The following SNX31 variants were observed in gnomAD, a reference collection of about 807,000 sequenced individuals.
The protein encoded by SNX31 is sorting nexin-31.
In SNX31, 58 loss-of-function variants were observed where a neutral mutation model predicts 65.4. That is an observed-to-expected ratio of 0.89 (90% CI 0.72 to 1.10). SNX31 has a LOEUF of 1.10. SNX31 is among the 50% of genes least tolerant of loss of function. The pLI is 0.00. For synonymous variants in SNX31, 181 were observed against 190.1 expected (o/e 0.95, Z 0.39); for missense variants, 523 against 529.7 (o/e 0.99, Z 0.12).
chr8:100,587,395 C>A (rs1304148681), intron 11 of SNX31, among the ~76,000 whole-genome samples: 1 of 152,140 alleles, frequency 6.6e-6, no homozygotes, highest in African/African-American at 2.4e-5. Flanking sequence ...TAGTAACAGT[C>A]AAAAACCAGA....
In SNX31 at chr8:100,614,110, T is replaced by G. The variant is rs1328987688; in HGVS notation, c.433-1025A>C. 6.6e-6 allele frequency among the ~76,000 whole-genome samples: 1 copy of G among 152,208 alleles called. No individual in the cohort carries two copies. The highest frequency in any genetic ancestry group is 2.4e-5 in the African/African-American group (1 of 41,440). ...TGAGTGGGTGTTCTCAGCATAGCTTTGAAAATAAAGAGCAGCTGAGGAATA... is the reference window on the plus strand; with the variant it reads ...TGAGTGGGTGTTCTCAGCATAGCTTGGAAAATAAAGAGCAGCTGAGGAATA... On this transcript the variant is annotated intron_variant, in intron 5 of 13. Transcript: ENST00000311812. This position sits in a 1 kb window ranked among gnomAD's most constrained non-coding sequence, Gnocchi z 5.1.
At position 100,662,021 on chromosome 8, in the gene SNX31, C is replaced by A. The variant is rs1693546; in HGVS notation, c.-58+1121G>T. Among the ~76,000 whole-genome samples, 8 of 151,904 alleles carry A rather than the reference C, an allele frequency of 5.3e-5. No homozygotes were observed. In the East Asian group the frequency reaches 1.4e-3, roughly 26 times the overall value. On this transcript the variant is annotated intron_variant, in intron 1 of 5. Transcript: ENST00000520352. The stretch of plus-strand genomic sequence containing the variant: ...TGTATTTTTAGTAGAGACAGGGTTT[C>A]GCCATGTTGGCCAGGCTGGTCTTGA...
At chr8:100,600,537 C>T in intron 8 of SNX31, 96 bp from the exon 9 acceptor site, 1 of 900,494 alleles carries the variant, frequency 1.1e-6, no homozygotes, top group Non-Finnish European at 1.7e-6. Flanking sequence ...AAAAACAAAC[C>T]CAAGTGGATA....
rs188992402 is a variant in SNX31, at chr8:100,594,356, C to T, written c.978+2283G>A. Among the ~76,000 whole-genome samples the T allele has an allele frequency of 2.0e-5, 3 of 152,016 alleles. No individual in the cohort carries two copies. The highest frequency in any genetic ancestry group is 1.9e-4 in the East Asian group (1 of 5,174). On this transcript the variant is annotated intron_variant, in intron 10 of 13. Coordinates refer to ENST00000311812, the MANE Select transcript of SNX31 (RefSeq NM_152628.4). This position sits in a 1 kb window ranked among gnomAD's most constrained non-coding sequence, Gnocchi z 4.0. ...CAAACAACAACAACAACAACAAAACCGAAACTATAGAGTAAGAGAAAATAT... is the reference window on the plus strand; with the variant it reads ...CAAACAACAACAACAACAACAAAACTGAAACTATAGAGTAAGAGAAAATAT...
intron 2 of SNX31, among the ~76,000 whole-genome samples, chr8:100,647,649 T>C (rs1819728658): frequency 6.6e-6 from 1 of 152,184 alleles, no homozygotes; most frequent in African/African-American, 2.4e-5. Flanking sequence ...AGGACCCATT[T>C]GCTTATTATT....
At position 100,576,590 on chromosome 8, in the gene SNX31, AT is replaced by A. The variant is rs1305954219; in HGVS notation, c.1227+428del. On this transcript the variant is annotated intron_variant, in intron 13 of 13. Transcript: ENST00000311812. The surrounding 1 kb of genome is among the most constrained non-coding windows in gnomAD (Gnocchi z 4.8). ...GTGCTCAAAAATGTCATTGATTGTGATTTTTTCTATTATTATCTGCACAGCA... is the reference window on the plus strand; with the variant it reads ...GTGCTCAAAAATGTCATTGATTGTGATTTTTCTATTATTATCTGCACAGCA... 6.6e-6 allele frequency among the ~76,000 whole-genome samples: 1 copy of A among 152,176 alleles called. No individual in the cohort carries two copies. The highest frequency in any genetic ancestry group is 2.4e-5 in the African/African-American group (1 of 41,438).
At chr8:100,605,144 C>G (rs1816029085) in intron 8 of SNX31, among the ~76,000 whole-genome samples, 1 of 148,308 alleles carries the variant, frequency 6.7e-6, no homozygotes, top group Admixed American at 6.6e-5. Context: ...GGTGATCCAC[C>G]TGCCTTGGCC....
chr8:100,662,891 A>G (rs1355838326), intron 1 of SNX31, among the ~76,000 whole-genome samples: 1 of 152,208 alleles, frequency 6.6e-6, no homozygotes, highest in Non-Finnish European at 1.5e-5. Flanking sequence ...CTAATTTAAA[A>G]ATACATATTT....
intron 2 of SNX31, among the ~76,000 whole-genome samples, chr8:100,643,957 G>A (rs1819449505): frequency 6.6e-6 from 1 of 152,208 alleles, no homozygotes; most frequent in Non-Finnish European, 1.5e-5. Flanking sequence ...AATCAAGGAG[G>A]ACTTCCTGGA....
At chr8:100,590,491 A>T (rs1449693272) in intron 10 of SNX31, among the ~76,000 whole-genome samples, 1 of 151,978 alleles carries the variant, frequency 6.6e-6, no homozygotes, top group East Asian at 1.9e-4. Flanking sequence ...TAAAACATGA[A>T]TTGGAGGCTG....
chr8:100,635,598 C>T (rs968456987), intron 3 of SNX31, among the ~76,000 whole-genome samples: 1 of 146,578 alleles, frequency 6.8e-6, no homozygotes, highest in Admixed American at 6.8e-5. Context: ...ATACAAAGAA[C>T]ACATATTATA....
chr8:100,657,459 A>G (rs1820069799), intron 1 of SNX31, among the ~76,000 whole-genome samples: 2 of 151,756 alleles, frequency 1.3e-5, no homozygotes, highest in African/African-American at 2.4e-5. Flanking sequence ...ACTCAAAAAA[A>G]AAAAAAGAAA....
At position 100,613,071 on chromosome 8, in the gene SNX31, T is replaced by C; in HGVS notation, c.447A>G (p.Lys149=). The C allele has an allele frequency of 6.2e-7, 1 of 1,613,960 alleles. No homozygotes were observed. ...CCAAGAGCTCTCGACACAGTCCAAT[T>C]TTGTGTGACACCACCTTTAACCAGA... The part of the protein sequence containing the change: ...AERVLEVVSH[K]IGLCRELLGY... Residue 149 remains lysine, a synonymous_variant, in exon 6 of 14, where the codon AAA becomes AAG. Transcript: ENST00000311812. The surrounding 1 kb of genome is among the most constrained non-coding windows in gnomAD (Gnocchi z 5.2).
At chr8:100,639,492 G>A (rs1819007820) in intron 2 of SNX31, among the ~76,000 whole-genome samples, 1 of 152,182 alleles carries the variant, frequency 6.6e-6, no homozygotes. Flanking sequence ...GTAAATGAAT[G>A]GCAGATAGTG....
Position 100,630,502 on chromosome 8 carries a change from C to T in SNX31, c.257-111G>A, listed in dbSNP as rs1818342924. 8.4e-6 allele frequency: 7 copies of T among 828,818 alleles called. No individual in the cohort carries two copies. The highest frequency in any genetic ancestry group is 1.1e-5 in the Non-Finnish European group (6 of 536,488). The allele number at this position is 828,818 out of a possible 1,614,324, so 51.3% of individuals were successfully genotyped here. On this transcript the variant is annotated intron_variant, in intron 3 of 13. Coordinates refer to ENST00000311812, the MANE Select transcript of SNX31 (RefSeq NM_152628.4). This position sits in a 1 kb window ranked among gnomAD's most constrained non-coding sequence, Gnocchi z 5.3. ...ATGCCTTGCCAGTGCTCTGTCTCCT[C>T]CCTGAAGTGATAAATGTTGAAACCT...
chr8:100,620,509 A>G (rs995464599), intron 4 of SNX31, among the ~76,000 whole-genome samples: 53 of 152,200 alleles, frequency 3.5e-4, no homozygotes, highest in African/African-American at 1.2e-3. Context: ...TCTGAATCTA[A>G]GTTCTTTAGA....
chr8:100,649,181 G>A, intron 2 of SNX31, 93 bp downstream of exon 2: 1 of 1,289,890 alleles, frequency 7.8e-7, no homozygotes, highest in African/African-American at 1.5e-5. Flanking sequence ...AAGGCCCAGT[G>A]TCTTGCCAGA....
chr8:100,637,549 T>C (rs1185031413), intron 2 of SNX31, among the ~76,000 whole-genome samples: 1 of 152,220 alleles, frequency 6.6e-6, no homozygotes, highest in Non-Finnish European at 1.5e-5. Context: ...ATGACTTCTC[T>C]CCATGCCCAC....
upstream of SNX31, among the ~76,000 whole-genome samples, chr8:100,651,302 T>C (rs1202450817): frequency 6.6e-6 from 1 of 152,178 alleles, no homozygotes; most frequent in East Asian, 1.9e-4. Context: ...CCAGGGGTAT[T>C]CCTGAGTGCC....
Sources: gnomAD v4.1 joint callset for allele counts (sites outside exome capture counted in the v4.1 genomes callset) on GRCh38, gnomAD v4.1.1 for gene constraint, Gnocchi (gnomAD v3.1) non-coding constraint, MANE v1.5 for transcripts, NCBI Gene and HGNC (gene_info 2026-07-23, HGNC 2026-07-21) for gene names.